The following CACNA1C variants were observed in gnomAD, a reference collection of about 807,000 sequenced individuals.
CACNA1C encodes the protein calcium voltage-gated channel subunit alpha1 C.
A neutral mutation model predicts 229.0 loss-of-function variants in CACNA1C; 30 were observed. That is an observed-to-expected ratio of 0.13 (90% CI 0.10 to 0.18). CACNA1C has a LOEUF of 0.18. CACNA1C is among the 10% of genes least tolerant of loss of function. The pLI is 1.00. For missense variants in CACNA1C, 1,658 were observed against 2,845.0 expected (o/e 0.58, Z 9.49); for synonymous variants, 1,114 against 1,132.5 (o/e 0.98, Z 0.33).
intron 10 of CACNA1C, among the ~76,000 whole-genome samples, chr12:2,553,922 T>A (rs1383306742): frequency 6.6e-6 from 1 of 152,142 alleles, no homozygotes. Context: ...GCCCTCCCAA[T>A]AATAAGAGCT....
Position 2,651,527 on chromosome 12 carries a change from C to A in CACNA1C, c.3946-113C>A, listed in dbSNP as rs767606279. The stretch of plus-strand genomic sequence containing the variant: ...GAGGGGGAAGTCTAGTGCAGCAAAC[C>A]CTGGCCTGCCTTCCGCCACTGCCAC... On this transcript the variant is annotated intron_variant, in intron 31 of 46. Transcript: ENST00000399655. This position sits in a 1 kb window ranked among gnomAD's most constrained non-coding sequence, Gnocchi z 5.4. The A allele has an allele frequency of 1.3e-6, 2 of 1,541,914 alleles. No homozygotes were observed. Among genetic ancestry groups the A allele is most frequent in the African/African-American group, 1.4e-5 (1 of 73,560 alleles).
In CACNA1C at chr12:2,378,819, T is replaced by TTCCTTCCTTCCTTCCTTCCTTC. The variant is rs745485698; in HGVS notation, c.478-70157_478-70156insTCCTTCCTTCCTTCCTTCCTTC. Reference sequence around the variant, plus strand: ...CTTCCTTCCTTCCTTCCTTCCTTCCTCTCTCTCTTTCCTTCTTTTTTTCTT... The same window carrying TTCCTTCCTTCCTTCCTTCCTTC: ...CTTCCTTCCTTCCTTCCTTCCTTCCTTCCTTCCTTCCTTCCTTCCTTCCTCTCTCTTTCCTTCTTTTTTTCTT... On this transcript the variant is annotated intron_variant, in intron 3 of 46. Transcript: ENST00000399655. Among the ~76,000 whole-genome samples, 520 of 147,836 alleles carry TTCCTTCCTTCCTTCCTTCCTTC rather than the reference T, an allele frequency of 3.5e-3. 3 individuals are homozygous for TTCCTTCCTTCCTTCCTTCCTTC. Among genetic ancestry groups the TTCCTTCCTTCCTTCCTTCCTTC allele is most frequent in the African/African-American group, 0.012 (496 of 39,768 alleles).
rs138033051 is a variant in CACNA1C at position 2,205,779 on chromosome 12, C to T, written c.477+85349C>T. 4.6e-5 allele frequency among the ~76,000 whole-genome samples: 7 copies of T among 152,280 alleles called. No individual in the cohort carries two copies. The East Asian group carries it at 1.2e-3, about 25-fold the overall frequency. On this transcript the variant is annotated intron_variant, in intron 3 of 46. Transcript: ENST00000399655. Reference sequence around the variant, plus strand: ...AAGACGGAAATGTATTTCTCACAGACCTGGAGGCTGGGCAGCCCCAGGATC... The same window carrying T: ...AAGACGGAAATGTATTTCTCACAGATCTGGAGGCTGGGCAGCCCCAGGATC...
At chr12:2,387,566 G>A (rs1477401788) in intron 3 of CACNA1C, among the ~76,000 whole-genome samples, 1 of 151,860 alleles carries the variant, frequency 6.6e-6, no homozygotes, top group Non-Finnish European at 1.5e-5. Context: ...AGAAAGCAAT[G>A]ACTAATAATG....
intron 3 of CACNA1C, among the ~76,000 whole-genome samples, chr12:2,128,519 TC>T (rs1478384247): frequency 3.9e-5 from 6 of 152,136 alleles, no homozygotes; most frequent in Non-Finnish European, 8.8e-5. Flanking sequence ...CACGCCGTTC[TC>T]CCGTCTCAGC....
At chr12:2,591,804 A>G (rs151306586) in intron 18 of CACNA1C, among the ~76,000 whole-genome samples, 1,602 of 152,310 alleles carry the variant, frequency 0.011, 35 homozygotes, top group African/African-American at 0.036. Context: ...CTGCAGGGCC[A>G]AGCGCCTTCT....
intron 1 of CACNA1C, among the ~76,000 whole-genome samples, chr12:2,074,454 C>T (rs1352565494): frequency 6.6e-6 from 1 of 152,174 alleles, no homozygotes; most frequent in Non-Finnish European, 1.5e-5. Context: ...CGGAGATGAT[C>T]TGACTTGCCG....
chr12:2,670,087 G>C (rs141055127), intron 38 of CACNA1C, among the ~76,000 whole-genome samples: 2 of 152,296 alleles, frequency 1.3e-5, no homozygotes, highest in African/African-American at 2.4e-5. Flanking sequence ...CTGAGTCCCA[G>C]GCACCCACAC....
At chr12:2,434,322 A>T (rs911678962) in intron 3 of CACNA1C, among the ~76,000 whole-genome samples, 3 of 152,196 alleles carry the variant, frequency 2.0e-5, no homozygotes, top group African/African-American at 7.2e-5. Context: ...TTCTAGAACC[A>T]CTAGGGGTTG....
chr12:2,216,558 TTAAA>T lies in CACNA1C; in HGVS notation c.477+96133_477+96136del, dbSNP rs545930068. Among the ~76,000 whole-genome samples the T allele has an allele frequency of 1.6e-4, 25 of 152,312 alleles. No homozygotes were observed. The South Asian group carries it at 3.7e-3, about 23-fold the overall frequency. ...GAATTACTCATAAGGCAGAGTTTTC[TTAAA>T]TAAAGAGAAGGGCCCCCCAGAAGAA... On this transcript the variant is annotated intron_variant, in intron 3 of 46. Transcript: ENST00000399655.
chr12:2,122,142 T>A (rs1370761828), intron 3 of CACNA1C, among the ~76,000 whole-genome samples: 1 of 152,132 alleles, frequency 6.6e-6, no homozygotes, highest in Non-Finnish European at 1.5e-5. Context: ...CTGGACTTCT[T>A]CTGGAGCTGG....
At chr12:2,560,659 A>C (rs1472959481) in intron 11 of CACNA1C, among the ~76,000 whole-genome samples, 6 of 152,090 alleles carry the variant, frequency 3.9e-5, no homozygotes, top group Non-Finnish European at 8.8e-5. Context: ...GGGGTTCTGA[A>C]ATTGGGAGGA....
intron 1 of CACNA1C, among the ~76,000 whole-genome samples, chr12:2,092,010 A>G (rs1386063121): frequency 6.6e-6 from 1 of 152,090 alleles, no homozygotes; most frequent in East Asian, 1.9e-4. Flanking sequence ...GCTCTGCCAT[A>G]TCCTCACCTG....
chr12:1,992,955 T>G (rs2039822335), intron 1 of CACNA1C: 4 of 596,946 alleles, frequency 6.7e-6, no homozygotes, highest in Non-Finnish European at 1.2e-5. Context: ...GTCTCCTCAC[T>G]AAGAACTTGC....
chr12:2,564,603 G>A (rs2049291575), intron 11 of CACNA1C, among the ~76,000 whole-genome samples: 2 of 152,040 alleles, frequency 1.3e-5, no homozygotes, highest in Admixed American at 1.3e-4. Context: ...CCCTCTGCCT[G>A]GAGCTCTACT....
At chr12:2,179,067 AAAT>A (rs1157892105) in intron 3 of CACNA1C, among the ~76,000 whole-genome samples, 2 of 68,470 alleles carry the variant, frequency 2.9e-5, no homozygotes, top group East Asian at 9.1e-4. Context: ...GTCTCAAAAT[AAAT>A]AAATAAATAA....
intron 1 of CACNA1C, chr12:2,004,411 G>T (rs1252333790): frequency 6.2e-7 from 1 of 1,610,496 alleles, no homozygotes. Context: ...CCACCAGGCC[G>T]CCTGCCGCCA....
intron 3 of CACNA1C, among the ~76,000 whole-genome samples, chr12:2,271,686 G>A (rs146987058): frequency 6.6e-6 from 1 of 152,102 alleles, no homozygotes; most frequent in East Asian, 1.9e-4. Context: ...AATTGCTTGA[G>A]CCCAGGAGTT....
intron 1 of CACNA1C, among the ~76,000 whole-genome samples, chr12:2,098,984 G>A (rs145196291): frequency 5.3e-5 from 8 of 152,282 alleles, no homozygotes; most frequent in South Asian, 2.1e-4. Flanking sequence ...AGGGGCGGCC[G>A]TAGAGCTAGG....
Sources: gnomAD v4.1 joint callset for allele counts (sites outside exome capture counted in the v4.1 genomes callset) on GRCh38, gnomAD v4.1.1 for gene constraint, Gnocchi (gnomAD v3.1) non-coding constraint, MANE v1.5 for transcripts, NCBI Gene and HGNC (gene_info 2026-07-23, HGNC 2026-07-21) for gene names.